Variants in CDK17 observed in about 807,000 individuals in gnomAD.
The protein encoded by CDK17 is cyclin dependent kinase 17, also known as cyclin-dependent kinase 17.
CDK17 carries 24 observed loss-of-function variants against 77.6 expected under a neutral mutation model. The observed-to-expected ratio is 0.31, with a 90% CI of 0.22 to 0.44. The LOEUF (loss-of-function observed/expected upper bound fraction) is 0.44, where lower values mean the gene tolerates loss of function less well. CDK17 is among the 20% of genes least tolerant of loss of function. The pLI, the probability that CDK17 is intolerant of heterozygous loss-of-function variation, is 1.00. For synonymous variants in CDK17, 203 were observed against 210.4 expected, an observed-to-expected ratio of 0.96 and a Z score of 0.30; for missense variants, 429 against 622.5, an observed-to-expected ratio of 0.69 and a Z score of 3.31.
chr12:96,283,304 G>A (rs143945581), intron 14 of CDK17, among the ~76,000 whole-genome samples: 44 of 152,242 alleles, frequency 2.9e-4, no homozygotes, highest in Admixed American at 9.8e-4. Context: ...AAGGCTGTAC[G>A]TATAAGGAAA....
chr12:96,302,234 T>A (rs549521583), intron 5 of CDK17, among the ~76,000 whole-genome samples: 1 of 152,138 alleles, frequency 6.6e-6, no homozygotes, highest in African/African-American at 2.4e-5. Context: ...ACAAGTGAAG[T>A]TTTTAAAATC....
intron 1 of CDK17, among the ~76,000 whole-genome samples, chr12:96,398,432 C>T (rs1954206218): frequency 6.6e-6 from 1 of 152,176 alleles, no homozygotes; most frequent in Admixed American, 6.5e-5. Context: ...TTACCACTAG[C>T]AAATTTTTTC....
intron 1 of CDK17, among the ~76,000 whole-genome samples, chr12:96,348,127 A>G (rs1287824241): frequency 6.6e-6 from 1 of 152,212 alleles, no homozygotes; most frequent in African/African-American, 2.4e-5. Flanking sequence ...TTATAGAATT[A>G]GAAAAAGAAC....
chr12:96,358,139 A>G (rs990707340), intron 1 of CDK17, among the ~76,000 whole-genome samples: 2 of 152,158 alleles, frequency 1.3e-5, no homozygotes, highest in African/African-American at 4.8e-5. Context: ...TAAACTATAT[A>G]TAATGCTTTT....
At position 96,355,398 on chromosome 12, in the gene CDK17, GTTTTTT is replaced by G. The variant is rs58937020; in HGVS notation, c.-29-20539_-29-20534del. ...CTTGCTGTCTAACATTCTACATTGG[GTTTTTT>G]TTTTTTTTTTTTTTTTTGGAGATGG... is the stretch of plus-strand genomic sequence containing the variant. On this transcript the variant is annotated intron_variant, in intron 1 of 16. Coordinates refer to ENST00000261211, the MANE Select transcript of CDK17 (RefSeq NM_002595.5). 2.7e-3 allele frequency among the ~76,000 whole-genome samples: 198 copies of G among 72,464 alleles called. 1 individual carries two copies. Among genetic ancestry groups the G allele is most frequent in the African/African-American group, 0.011 (187 of 16,288 alleles). The allele number at this position is 72,464 out of a possible 152,430, so 47.5% of individuals were successfully genotyped here. A position where few individuals can be genotyped will look rare whatever the true frequency, so the allele number is the denominator to read the frequency against.
intron 1 of CDK17, among the ~76,000 whole-genome samples, chr12:96,390,117 C>T (rs1223064624): frequency 8.0e-5 from 12 of 149,258 alleles, no homozygotes; most frequent in Non-Finnish European, 1.8e-4. Context: ...TGTGAGACAG[C>T]GCGCCCGGCT....
intron 7 of CDK17, among the ~76,000 whole-genome samples, 183 bp downstream of exon 7, chr12:96,298,686 A>T (rs1952449846): frequency 6.6e-6 from 1 of 152,196 alleles, no homozygotes; most frequent in Admixed American, 6.5e-5. Flanking sequence ...TTCAGATTTC[A>T]TTATAAGTTA....
At chr12:96,381,365 CAAAAAA>C (rs58765838) in intron 1 of CDK17, among the ~76,000 whole-genome samples, 2 of 144,244 alleles carry the variant, frequency 1.4e-5, no homozygotes, top group Non-Finnish European at 3.1e-5. Context: ...TTTTTTCCTA[CAAAAAA>C]AAAAAAAAAA....
chr12:96,294,911 G>T, intron 10 of CDK17, 88 bp downstream of exon 10: 1 of 1,118,612 alleles, frequency 8.9e-7, no homozygotes, highest in Non-Finnish European at 1.2e-6. Flanking sequence ...CCACATAAAA[G>T]CAATGGCACA....
At chr12:96,280,744 C>G in intron 16 of CDK17, 64 bp downstream of exon 16, 1 of 1,592,750 alleles carries the variant, frequency 6.3e-7, no homozygotes, top group Non-Finnish European at 8.5e-7. Context: ...AATTTATAAA[C>G]CAAAAGCTTG....
intron 1 of CDK17, among the ~76,000 whole-genome samples, chr12:96,380,146 G>C (rs896411589): frequency 2.1e-5 from 3 of 146,122 alleles, no homozygotes; most frequent in Non-Finnish European, 3.0e-5. Context: ...CCTAGCCTGA[G>C]AGACAGAGGC....
intron 1 of CDK17, among the ~76,000 whole-genome samples, chr12:96,372,365 C>A (rs922058414): frequency 6.6e-6 from 1 of 151,910 alleles, no homozygotes; most frequent in Non-Finnish European, 1.5e-5. Flanking sequence ...TTCCTAGGGC[C>A]GAATCAATTG....
At chr12:96,333,525 T>C (rs1952999959) in intron 2 of CDK17, among the ~76,000 whole-genome samples, 3 of 151,798 alleles carry the variant, frequency 2.0e-5, no homozygotes, top group Admixed American at 2.0e-4. Flanking sequence ...AATAAAAAAC[T>C]TAGCTGGGCA....
chr12:96,337,943 C>T (rs2137148576), intron 1 of CDK17, among the ~76,000 whole-genome samples: 1 of 152,304 alleles, frequency 6.6e-6, no homozygotes, highest in Admixed American at 6.5e-5. Context: ...TTGGAATATC[C>T]TGCCTGATAA....
intron 5 of CDK17, among the ~76,000 whole-genome samples, chr12:96,302,064 C>G (rs182236897): frequency 6.6e-6 from 1 of 152,168 alleles, no homozygotes; most frequent in African/African-American, 2.4e-5. Context: ...TGACGTTTTT[C>G]ATAAAACATT....
At chr12:96,288,994 T>C (rs994565380) in intron 11 of CDK17, among the ~76,000 whole-genome samples, 173 bp downstream of exon 11, 1 of 152,218 alleles carries the variant, frequency 6.6e-6, no homozygotes, top group Non-Finnish European at 1.5e-5. Context: ...AATGGCAGAA[T>C]TGGTATTTAA....
At chr12:96,316,234 T>C (rs1228595026) in intron 3 of CDK17, among the ~76,000 whole-genome samples, 1 of 152,004 alleles carries the variant, frequency 6.6e-6, no homozygotes, top group African/African-American at 2.4e-5. Flanking sequence ...ACCCGAATAT[T>C]GCGCTTGTCA....
At chr12:96,372,002 AGTGTGTGTTTGTGTGTGTGT>A (rs960732730) in intron 1 of CDK17, among the ~76,000 whole-genome samples, 2 of 42,052 alleles carry the variant, frequency 4.8e-5, no homozygotes, top group Admixed American at 2.5e-4. Flanking sequence ...TGTGTGAGTG[AGTGTGTGTTTGTGTGTGTGT>A]GTGTGTGTGT....
chr12:96,324,445 C>T (rs11832617), intron 2 of CDK17, among the ~76,000 whole-genome samples: 2,395 of 152,250 alleles, frequency 0.016, 67 homozygotes, highest in African/African-American at 0.054. Context: ...TACCACTCCT[C>T]CATTTATTGA....
Sources: gnomAD v4.1 joint callset for allele counts (sites outside exome capture counted in the v4.1 genomes callset) on GRCh38, gnomAD v4.1.1 for gene constraint, MANE v1.5 for transcripts, NCBI Gene and HGNC (gene_info 2026-07-23, HGNC 2026-07-21) for gene names.